GPC6: variants seen among roughly 807,000 people sequenced by gnomAD.
GPC6 encodes glypican 6, also known as glypican-6.
GPC6 carries 14 observed loss-of-function variants against 55.2 expected under a neutral mutation model. The observed-to-expected ratio is 0.25, with a 90% confidence interval of 0.17 to 0.40. The LOEUF (loss-of-function observed/expected upper bound fraction) is 0.40. Among genes scored for constraint, GPC6 ranks in the 10% least tolerant of loss-of-function variants. The pLI, the probability that GPC6 is intolerant of heterozygous loss-of-function variation, is 1.00. For missense variants in GPC6, 641 were observed against 708.5 expected (o/e 0.90, Z 1.08); for synonymous variants, 278 against 259.6 (o/e 1.07, Z -0.68).
chr13:93,233,102 A>G (rs568394411), intron 1 of GPC6, among the ~76,000 whole-genome samples: 2 of 152,256 alleles, frequency 1.3e-5, no homozygotes, highest in Non-Finnish European at 2.9e-5. Flanking sequence ...GAGCTGGTAC[A>G]TAATTTAACT....
chr13:93,380,967 C>T lies in GPC6; in HGVS notation c.160+153351C>T, dbSNP rs187991140. 5.9e-5 allele frequency among the ~76,000 whole-genome samples: 9 copies of T among 152,170 alleles called. No individual in the cohort carries two copies. The East Asian group carries it at 9.7e-4, about 16-fold the overall frequency. ...AGTTGCCTAAAATCTCTTCACACAC[C>T]GACTGGCATTCTACTAAACTATTTA... On this transcript the variant is annotated intron_variant, in intron 1 of 8. Transcript: ENST00000377047.
chr13:93,349,577 A>G (rs1158202134), intron 1 of GPC6, among the ~76,000 whole-genome samples: 2 of 152,186 alleles, frequency 1.3e-5, no homozygotes, highest in Non-Finnish European at 2.9e-5. Context: ...AAAGTTTAAA[A>G]CTTTTAAGGG....
At chr13:94,094,951 ATAAT>A (rs951262515) in intron 4 of GPC6, among the ~76,000 whole-genome samples, 8 of 152,122 alleles carry the variant, frequency 5.3e-5, no homozygotes, top group Admixed American at 3.3e-4. Context: ...GCAATATTAA[ATAAT>A]TCTTCATTGG....
intron 3 of GPC6, among the ~76,000 whole-genome samples, chr13:93,873,474 T>A (rs1044240269): frequency 6.6e-6 from 1 of 151,932 alleles, no homozygotes; most frequent in African/African-American, 2.4e-5. Context: ...GGAGATTTTA[T>A]ATTTGACAAT....
intron 1 of GPC6, among the ~76,000 whole-genome samples, chr13:93,260,849 A>C (rs1877120761): frequency 6.6e-6 from 1 of 152,084 alleles, no homozygotes; most frequent in Non-Finnish European, 1.5e-5. Context: ...TAACTCTAGC[A>C]ATGTAGTAGT....
rs977269257 is a variant in GPC6 at position 94,075,692 on chromosome 13, A to G, written c.877+47798A>G. Among the ~76,000 whole-genome samples, 6 of 152,254 alleles carry G rather than the reference A, an allele frequency of 3.9e-5. No homozygotes were observed. The South Asian group carries it at 8.3e-4, about 21-fold the overall frequency. On this transcript the variant is annotated intron_variant, in intron 4 of 8. Coordinates refer to ENST00000377047, the MANE Select transcript of GPC6 (RefSeq NM_005708.5). ...GTTTGACTATTTCAGGATACCTCCTATAAGTGGAATGATGCAATCAGTATT... is the reference window on the plus strand; with the variant it reads ...GTTTGACTATTTCAGGATACCTCCTGTAAGTGGAATGATGCAATCAGTATT...
chr13:93,718,368 G>A (rs1883327986), intron 2 of GPC6, among the ~76,000 whole-genome samples: 1 of 150,776 alleles, frequency 6.6e-6, no homozygotes, highest in South Asian at 2.1e-4. Context: ...CCAGTGATGA[G>A]CTTTTTTTCA....
At chr13:94,115,868 A>C (rs1186261342) in intron 4 of GPC6, among the ~76,000 whole-genome samples, 7 of 152,110 alleles carry the variant, frequency 4.6e-5, no homozygotes, top group Non-Finnish European at 1.0e-4. Flanking sequence ...TTCAGTTTAC[A>C]AAAATAGCTT....
chr13:93,403,347 T>C (rs1255806693), intron 1 of GPC6, among the ~76,000 whole-genome samples: 1 of 152,178 alleles, frequency 6.6e-6, no homozygotes, highest in African/African-American at 2.4e-5. Flanking sequence ...GGCTCTTCTT[T>C]TAGTAAAAGT....
chr13:93,761,151 G>T (rs1398488066), intron 2 of GPC6, among the ~76,000 whole-genome samples: 1 of 152,046 alleles, frequency 6.6e-6, no homozygotes, highest in Non-Finnish European at 1.5e-5. Context: ...AAAATGATCA[G>T]TTTGCAGAAA....
intron 1 of GPC6, among the ~76,000 whole-genome samples, chr13:93,454,980 G>A (rs1878387888): frequency 6.6e-6 from 1 of 152,228 alleles, no homozygotes; most frequent in Non-Finnish European, 1.5e-5. Context: ...GCGTCGGTGG[G>A]TTGGCACTGC....
At chr13:94,129,443 C>T (rs566651579) in intron 4 of GPC6, among the ~76,000 whole-genome samples, 51 of 152,134 alleles carry the variant, frequency 3.4e-4, no homozygotes, top group African/African-American at 1.1e-3. Flanking sequence ...ATATTTTTTC[C>T]TCCTCACTCC....
At chr13:93,451,824 C>T (rs980538337) in intron 1 of GPC6, among the ~76,000 whole-genome samples, 1 of 152,174 alleles carries the variant, frequency 6.6e-6, no homozygotes, top group Admixed American at 6.5e-5. Context: ...GTGTCAGCCA[C>T]CAGATGCTCC....
intron 2 of GPC6, among the ~76,000 whole-genome samples, chr13:93,733,719 A>G (rs548128429): frequency 6.6e-6 from 1 of 152,242 alleles, no homozygotes; most frequent in South Asian, 2.1e-4. Context: ...TTGTATGGAG[A>G]GCACATGCAG....
chr13:93,840,862 AG>A (rs1294883684), intron 3 of GPC6, among the ~76,000 whole-genome samples: 1 of 152,222 alleles, frequency 6.6e-6, no homozygotes, highest in Non-Finnish European at 1.5e-5. Flanking sequence ...ATAAAACACT[AG>A]TGCTATAACT....
At chr13:93,669,126 T>C (rs1000147377) in intron 2 of GPC6, among the ~76,000 whole-genome samples, 1 of 152,160 alleles carries the variant, frequency 6.6e-6, no homozygotes, top group Admixed American at 6.6e-5. Context: ...GAGAAGAAAG[T>C]CATACAAGTG....
At chr13:93,808,439 C>T (rs1255445492) in intron 2 of GPC6, among the ~76,000 whole-genome samples, 1 of 152,164 alleles carries the variant, frequency 6.6e-6, no homozygotes, top group Non-Finnish European at 1.5e-5. Flanking sequence ...TACATAATAA[C>T]TCCTCTCTCT....
intron 4 of GPC6, among the ~76,000 whole-genome samples, chr13:94,207,193 C>CA: frequency 6.6e-6 from 1 of 152,236 alleles, no homozygotes; most frequent in East Asian, 1.9e-4. Context: ...ACCCATGTGG[C>CA]CCTGTCTGAG....
At chr13:93,845,630 A>T (rs1228576757) in intron 3 of GPC6, among the ~76,000 whole-genome samples, 5 of 142,614 alleles carry the variant, frequency 3.5e-5, no homozygotes, top group Non-Finnish European at 6.1e-5. Context: ...TGGCACATAT[A>T]CACCATGGAA....
Sources: gnomAD v4.1 joint callset for allele counts (sites outside exome capture counted in the v4.1 genomes callset) on GRCh38, gnomAD v4.1.1 for gene constraint, MANE v1.5 for transcripts, NCBI Gene and HGNC (gene_info 2026-07-23, HGNC 2026-07-21) for gene names.